Variants in CUEDC1 observed in about 807,000 individuals in gnomAD.
The protein encoded by CUEDC1 is CUE domain-containing protein 1.
In CUEDC1, 30 loss-of-function variants were observed where a neutral mutation model predicts 43.7. The observed-to-expected ratio is 0.69, with a 90% CI of 0.51 to 0.93. The LOEUF (loss-of-function observed/expected upper bound fraction) is 0.93, where lower values mean the gene tolerates loss of function less well. Among genes scored for constraint, CUEDC1 ranks in the 40% least tolerant of loss-of-function variants. CUEDC1 has a pLI of 0.00. For missense variants in CUEDC1, 486 were observed against 549.0 expected (o/e 0.89, Z 1.15); for synonymous variants, 223 against 223.6 (o/e 1.00, Z 0.02).
rs546364600 is a variant in CUEDC1 at position 57,872,689 on chromosome 17, C to A, written c.758G>T (p.Arg253Leu). 1.2e-6 allele frequency: 2 copies of A among 1,614,016 alleles called. No individual in the cohort carries two copies. Among genetic ancestry groups the A allele is most frequent in the African/African-American group, 1.3e-5 (1 of 74,930 alleles). Residue 253 changes from arginine to leucine, a missense_variant, in exon 5 of 11, where the codon CGC (arginine) becomes CTC (leucine). Arg to Leu is a moderately radical substitution (Grantham distance 102, BLOSUM62 -2). Transcript: ENST00000577830. Reference protein sequence around the residue: ...EEFMKELQRNRDFLLALERDR... With the variant: ...EEFMKELQRNLDFLLALERDR... Reference sequence around the variant, plus strand: ...TCTCTCCAGAGCGAGGAGGAAGTCGCGGTTCCGTTGCAGCTCCTTCATGAA... The same window carrying A: ...TCTCTCCAGAGCGAGGAGGAAGTCGAGGTTCCGTTGCAGCTCCTTCATGAA...
chr17:57,903,951 A>G (rs2074500996), intron 1 of CUEDC1, among the ~76,000 whole-genome samples: 1 of 151,244 alleles, frequency 6.6e-6, no homozygotes. Flanking sequence ...AAAAAAAAAA[A>G]TCAGAGAGGG....
chr17:57,878,667 T>C (rs2074162979), intron 3 of CUEDC1, among the ~76,000 whole-genome samples: 1 of 151,774 alleles, frequency 6.6e-6, no homozygotes, highest in African/African-American at 2.4e-5. Flanking sequence ...TATTTATTTA[T>C]TTATTTATTT....
intron 1 of CUEDC1, among the ~76,000 whole-genome samples, chr17:57,900,651 C>T (rs1348830153): frequency 6.6e-6 from 1 of 152,218 alleles, no homozygotes; most frequent in Non-Finnish European, 1.5e-5. Flanking sequence ...TCATCATCAC[C>T]ATTTTATAGA....
Position 57,879,666 on chromosome 17 carries a change from G to T in CUEDC1, c.409C>A (p.His137Asn). 1 of 1,603,312 alleles carries T rather than the reference G, an allele frequency of 6.2e-7. No homozygotes were observed. The highest frequency in any genetic ancestry group is 2.3e-5 in the East Asian group (1 of 43,610). Residue 137 changes from histidine (H) to asparagine (N), a missense_variant, in exon 3 of 11, where the codon CAC becomes AAC. Physicochemically the swap from His to Asn is moderately conservative, Grantham distance 68 (BLOSUM62 1). Coordinates refer to ENST00000577830, the MANE Select transcript of CUEDC1 (RefSeq NM_001271875.2). ...PPPVYSPPAY[H>N]MHVFDRPYPL... ...TAGGGCCGGTCGAACACGTGCATGT[G>T]GTAGGCTGGCGGGGAGTACACAGGT...
intron 1 of CUEDC1, among the ~76,000 whole-genome samples, chr17:57,952,929 C>T (rs930479055): frequency 6.6e-6 from 1 of 152,088 alleles, no homozygotes; most frequent in African/African-American, 2.4e-5. Flanking sequence ...CAGCCCAGGA[C>T]CCAGTGAGCC....
In CUEDC1 at chr17:57,920,862, C is replaced by T. The variant is rs182199442; in HGVS notation, c.-316+34363G>A. Among the ~76,000 whole-genome samples, 875 of 152,238 alleles carry T rather than the reference C, an allele frequency of 5.7e-3. 9 individuals are homozygous for T. The highest frequency in any genetic ancestry group is 0.016 in the African/African-American group (654 of 41,534). On this transcript the variant is annotated intron_variant, in intron 1 of 10. Transcript: ENST00000577830. ...ATGTTGGCCAGGCCAGTCTTGAACT[C>T]CTGACCTCAGGTGATCTGCCCGCTT...
chr17:57,915,243 T>C (rs556863090), intron 1 of CUEDC1: 1 of 151,742 alleles, frequency 6.6e-6, no homozygotes, highest in East Asian at 1.9e-4. Context: ...AGAAAGTTCA[T>C]TTCCTAGGAC....
intron 1 of CUEDC1, among the ~76,000 whole-genome samples, chr17:57,913,051 CA>C (rs1252184516): frequency 6.6e-6 from 1 of 152,100 alleles, no homozygotes; most frequent in Admixed American, 6.6e-5. Flanking sequence ...TGTCTCCGGG[CA>C]CAGTGGCTCA....
At chr17:57,937,558 C>T (rs376359491) in intron 1 of CUEDC1, among the ~76,000 whole-genome samples, 2 of 150,428 alleles carry the variant, frequency 1.3e-5, no homozygotes, top group South Asian at 2.1e-4. Flanking sequence ...TGCAGTAAGC[C>T]GAGACTGTGC....
intron 1 of CUEDC1, among the ~76,000 whole-genome samples, chr17:57,899,113 A>G (rs1378125643): frequency 2.0e-5 from 3 of 152,174 alleles, no homozygotes; most frequent in Admixed American, 6.5e-5. Context: ...CTGAGCTTCA[A>G]AAGAGCAGGC....
intron 1 of CUEDC1, among the ~76,000 whole-genome samples, chr17:57,920,677 G>A (rs1161759688): frequency 6.8e-6 from 1 of 147,362 alleles, no homozygotes; most frequent in Non-Finnish European, 1.5e-5. Flanking sequence ...TGTTGCCCAG[G>A]CTGGAGTGTA....
Position 57,862,866 on chromosome 17 carries a change from A to AACGG in CUEDC1, c.*419_*422dup, listed in dbSNP as rs2066959739. 1 of 152,186 alleles carries AACGG rather than the reference A, an allele frequency of 6.6e-6. No homozygotes were observed. The highest frequency in any genetic ancestry group is 2.1e-4 in the South Asian group (1 of 4,824). 9.4% of individuals were successfully genotyped at this position (152,186 alleles called of 1,614,324 possible). Reference sequence around the variant, plus strand: ...AGAGTCTGTGACAGGAGAGATAGAGAACGGACGGAGGCAGAGACTCCACCT... The same window carrying AACGG: ...AGAGTCTGTGACAGGAGAGATAGAGAACGGACGGACGGAGGCAGAGACTCCACCT... On this transcript the variant is annotated 3_prime_UTR_variant, in exon 11 of 11. Coordinates refer to ENST00000577830, the MANE Select transcript of CUEDC1 (RefSeq NM_001271875.2).
At chr17:57,944,902 GA>G (rs144599619) in intron 1 of CUEDC1, among the ~76,000 whole-genome samples, 3,644 of 152,218 alleles carry the variant, frequency 0.024, 63 homozygotes, top group Non-Finnish European at 0.036. Context: ...CATATTCCAC[GA>G]AAACACACCA....
chr17:57,897,516 A>G (rs928171309), intron 1 of CUEDC1, among the ~76,000 whole-genome samples: 35 of 151,984 alleles, frequency 2.3e-4, no homozygotes, highest in African/African-American at 8.0e-4. Flanking sequence ...TAAAAATACA[A>G]AAAATTAGCC....
At chr17:57,926,713 A>T (rs1567720021) in intron 1 of CUEDC1, among the ~76,000 whole-genome samples, 1 of 152,260 alleles carries the variant, frequency 6.6e-6, no homozygotes, top group African/African-American at 2.4e-5. Context: ...ACGGGAAGTC[A>T]TTATAAAGTG....
intron 1 of CUEDC1, among the ~76,000 whole-genome samples, chr17:57,913,370 C>T (rs561875141): frequency 1.3e-5 from 2 of 151,872 alleles, no homozygotes; most frequent in Non-Finnish European, 2.9e-5. Context: ...ACTATGTTGC[C>T]CAGACTTATC....
chr17:57,886,651 C>T (rs986537568), intron 1 of CUEDC1, among the ~76,000 whole-genome samples: 12 of 152,146 alleles, frequency 7.9e-5, no homozygotes, highest in African/African-American at 2.9e-4. Flanking sequence ...ATTGTCAACC[C>T]CTGGAGTTCA....
intron 1 of CUEDC1, among the ~76,000 whole-genome samples, chr17:57,896,695 C>A (rs2074413988): frequency 6.6e-6 from 1 of 151,208 alleles, no homozygotes; most frequent in Admixed American, 6.6e-5. Flanking sequence ...TGCAAATAAT[C>A]CATTATTATT....
rs138060266 is a variant in CUEDC1 at position 57,873,636 on chromosome 17, C to T, written c.546G>A (p.Pro182=). The T allele has an allele frequency of 4.6e-5, 73 of 1,603,762 alleles. No homozygotes were observed. Among genetic ancestry groups the T allele is most frequent in the Admixed American group, 6.8e-5 (4 of 58,610 alleles). Residue 182 remains proline, a synonymous_variant, in exon 4 of 11, where the codon CCG becomes CCA. Transcript: ENST00000577830. ...GGGGCAGGATGCGGAGAAAGTCATC[C>T]GGAAGGTTGCCCAGCAGTGGTGGGT... ...NWNPPLLGNL[P]DDFLRILPQQ... is the part of the protein sequence containing the mutation.
Sources: gnomAD v4.1 joint callset for allele counts (sites outside exome capture counted in the v4.1 genomes callset) on GRCh38, gnomAD v4.1.1 for gene constraint, MANE v1.5 for transcripts, NCBI Gene and HGNC (gene_info 2026-07-23, HGNC 2026-07-21) for gene names.